DNAAF11: variants seen among roughly 807,000 people sequenced by gnomAD.
DNAAF11 encodes the protein leucine rich repeat containing 6.
Under a neutral mutation model 60.8 loss-of-function variants are expected in DNAAF11, and 45 were observed. The observed-to-expected ratio is 0.74, with a 90% CI of 0.58 to 0.95. DNAAF11 has a LOEUF of 0.95. DNAAF11 is among the 40% of genes least tolerant of loss of function. The pLI is 0.00. For missense variants in DNAAF11, 546 were observed against 546.2 expected, an observed-to-expected ratio of 1.00 and a Z score of 0.00; for synonymous variants, 191 against 183.5, an observed-to-expected ratio of 1.04 and a Z score of -0.33.
intron 5 of DNAAF11, among the ~76,000 whole-genome samples, chr8:132,629,492 C>A (rs916446928): frequency 4.6e-5 from 7 of 151,956 alleles, no homozygotes; most frequent in African/African-American, 1.7e-4. Flanking sequence ...GGACTACAGG[C>A]GCCTGCCACC....
intron 1 of DNAAF11, among the ~76,000 whole-genome samples, chr8:132,672,080 T>C (rs193006754): frequency 6.6e-6 from 1 of 152,146 alleles, no homozygotes; most frequent in East Asian, 1.9e-4. Context: ...GGGGAGAAAA[T>C]ACTTGCAAAT....
intron 9 of DNAAF11, 42 bp from the exon 10 acceptor site, chr8:132,610,303 G>A (rs759761162): frequency 6.0e-6 from 8 of 1,336,422 alleles, no homozygotes; most frequent in African/African-American, 4.3e-5. Flanking sequence ...GAGCAAGGAC[G>A]TTACATGAGA....
rs1387887542 is a variant in DNAAF11, at chr8:132,607,606, A to T, written c.1140+2560T>A. Among the ~76,000 whole-genome samples the T allele has an allele frequency of 3.3e-5, 5 of 152,240 alleles. No individual in the cohort carries two copies. In the East Asian group the frequency reaches 9.6e-4, roughly 29 times the overall value. ...AAGAGTAAAATATTAATTTGACATC[A>T]TGAAAAAACGCTGAGTAACCACTGT... is the stretch of plus-strand genomic sequence containing the variant. On this transcript the variant is annotated intron_variant, in intron 10 of 11. Coordinates refer to ENST00000620350, the MANE Select transcript of DNAAF11 (RefSeq NM_012472.6).
intron 1 of DNAAF11, among the ~76,000 whole-genome samples, chr8:132,664,344 G>A (rs999753988): frequency 4.6e-5 from 7 of 152,026 alleles, no homozygotes; most frequent in Non-Finnish European, 8.8e-5. Context: ...TATCACAGGC[G>A]CCTCTAGTCT....
intron 5 of DNAAF11, among the ~76,000 whole-genome samples, chr8:132,630,273 C>T (rs1367566337): frequency 6.6e-6 from 1 of 152,082 alleles, no homozygotes; most frequent in African/African-American, 2.4e-5. Flanking sequence ...AGATGTACTC[C>T]TATGGAACAG....
At chr8:132,573,493 T>C (rs911501856) in intron 11 of DNAAF11, among the ~76,000 whole-genome samples, 2 of 152,220 alleles carry the variant, frequency 1.3e-5, no homozygotes, top group African/African-American at 4.8e-5. Flanking sequence ...CTGGTATCTT[T>C]GAAGCAAAGG....
intron 3 of DNAAF11, among the ~76,000 whole-genome samples, chr8:132,642,000 T>A (rs1821902838): frequency 6.6e-6 from 1 of 152,126 alleles, no homozygotes; most frequent in Admixed American, 6.6e-5. Context: ...AAAATAAATA[T>A]AGCAAAATGA....
chr8:132,610,165 C>T lies in DNAAF11; in HGVS notation c.1140+1G>A. On this transcript the variant is annotated splice_donor_variant, in intron 10 of 11. Coordinates refer to ENST00000620350, the MANE Select transcript of DNAAF11 (RefSeq NM_012472.6). LOFTEE classifies it high-confidence loss of function. ...AAATTGACCCAAATGACATGACCTA[C>T]CTTGGGCATGCAGATGACCAAATGA... 6.2e-7 allele frequency: 1 copy of T among 1,610,816 alleles called. No individual in the cohort carries two copies. Among genetic ancestry groups the T allele is most frequent in the Non-Finnish European group, 8.5e-7 (1 of 1,177,056 alleles).
intron 1 of DNAAF11, among the ~76,000 whole-genome samples, chr8:132,674,811 C>G (rs978950045): frequency 3.9e-5 from 6 of 152,232 alleles, no homozygotes; most frequent in Admixed American, 2.0e-4. Context: ...TTGCTTGAAC[C>G]CGGGAGGCGG....
intron 3 of DNAAF11, chr8:132,643,802 T>C (rs754115688): frequency 4.5e-6 from 2 of 444,602 alleles, no homozygotes; most frequent in Non-Finnish European, 9.0e-6. Flanking sequence ...GCAAAGGGAA[T>C]TGTGAGTAGC....
the DNAAF11 span, among the ~76,000 whole-genome samples, chr8:132,697,638 C>CA: frequency 6.6e-6 from 1 of 150,452 alleles, no homozygotes; most frequent in African/African-American, 2.4e-5. Context: ...AAAAAAAATC[C>CA]AAAAATAAAA....
At chr8:132,687,803 C>CATTAACTGT in the DNAAF11 span, 1 of 412,400 alleles carries the variant, frequency 2.4e-6, no homozygotes, top group South Asian at 1.8e-5. Context: ...TATTGACCTG[C>CATTAACTGT]ATTAACTGTA....
chr8:132,613,165 T>C (rs964470305), intron 8 of DNAAF11, among the ~76,000 whole-genome samples: 2 of 152,072 alleles, frequency 1.3e-5, no homozygotes, highest in Non-Finnish European at 2.9e-5. Flanking sequence ...GGCAGAAGAA[T>C]TGACAGGAAT....
chr8:132,663,037 A>G (rs547019551), intron 1 of DNAAF11, among the ~76,000 whole-genome samples: 8 of 152,318 alleles, frequency 5.3e-5, no homozygotes, highest in African/African-American at 1.7e-4. Flanking sequence ...GTAGAGGTTG[A>G]GAGATTAAAA....
chr8:132,665,872 T>C (rs754967805), intron 1 of DNAAF11, among the ~76,000 whole-genome samples: 2 of 152,142 alleles, frequency 1.3e-5, no homozygotes, highest in South Asian at 2.1e-4. Context: ...GCGGATTGGA[T>C]AGAGAAAATT....
intron 1 of DNAAF11, among the ~76,000 whole-genome samples, chr8:132,663,296 A>C (rs1401080964): frequency 1.3e-5 from 2 of 152,154 alleles, no homozygotes; most frequent in East Asian, 3.9e-4. Context: ...GAAAAACCAA[A>C]CCTGTAAGAG....
the DNAAF11 span, among the ~76,000 whole-genome samples, chr8:132,701,264 G>A: frequency 3.3e-5 from 5 of 152,260 alleles, no homozygotes; most frequent in East Asian, 7.7e-4. Flanking sequence ...AATACCACCC[G>A]GCTCATATAT....
chr8:132,693,494 A>G, the DNAAF11 span, among the ~76,000 whole-genome samples: 1 of 151,832 alleles, frequency 6.6e-6, no homozygotes, highest in African/African-American at 2.4e-5. Flanking sequence ...ACATAGTTAT[A>G]CTAGGTACTG....
At chr8:132,578,429 G>A (rs2130973221) in intron 11 of DNAAF11, 4 of 1,496,090 alleles carry the variant, frequency 2.7e-6, no homozygotes, top group Non-Finnish European at 3.5e-6. Flanking sequence ...CCGCCTTAAT[G>A]TCAGAGGCCT....
Sources: gnomAD v4.1 joint callset for allele counts (sites outside exome capture counted in the v4.1 genomes callset) on GRCh38, gnomAD v4.1.1 for gene constraint, MANE v1.5 for transcripts, NCBI Gene and HGNC (gene_info 2026-07-23, HGNC 2026-07-21) for gene names.